Variants in SPHKAP observed in about 807,000 individuals in gnomAD.
SPHKAP encodes the protein SPHK1 interactor, AKAP domain containing.
In SPHKAP, 67 loss-of-function variants were observed where a neutral mutation model predicts 137.5. The ratio of observed to expected loss-of-function variants is 0.49; its 90% CI spans 0.40 to 0.60. The LOEUF is 0.60. Among genes scored for constraint, SPHKAP ranks in the 20% least tolerant of loss-of-function variants. The probability of loss-of-function intolerance (pLI) is 0.00; values close to 1 mark genes in which losing one functional copy is unlikely to be tolerated. For synonymous variants in SPHKAP, 813 were observed against 785.3 expected, an observed-to-expected ratio of 1.04 and a Z score of -0.59; for missense variants, 2,097 against 2,069.3, an observed-to-expected ratio of 1.01 and a Z score of -0.26.
At chr2:228,164,925 A>G (rs934678940) in intron 1 of SPHKAP, among the ~76,000 whole-genome samples, 3 of 152,184 alleles carry the variant, frequency 2.0e-5, no homozygotes, top group Non-Finnish European at 4.4e-5. Flanking sequence ...TCAATTTGCT[A>G]TATGTCCACT....
chr2:228,032,113 C>A (rs1290296413), intron 3 of SPHKAP, among the ~76,000 whole-genome samples: 1 of 151,908 alleles, frequency 6.6e-6, no homozygotes, highest in Non-Finnish European at 1.5e-5. Context: ...AAACCAATGG[C>A]AAAGAAGTTA....
chr2:228,045,157 A>C (rs931078131), intron 3 of SPHKAP, among the ~76,000 whole-genome samples: 11 of 151,530 alleles, frequency 7.3e-5, no homozygotes, highest in African/African-American at 2.7e-4. Flanking sequence ...GTGGGACTGT[A>C]AACTAGTTCA....
chr2:227,991,986 T>C (rs1031996179), intron 9 of SPHKAP, among the ~76,000 whole-genome samples: 1 of 152,152 alleles, frequency 6.6e-6, no homozygotes, highest in Admixed American at 6.5e-5. Context: ...TCATTAGATA[T>C]GGTAGAGTTT....
chr2:227,988,720 C>T (rs1003734490), intron 11 of SPHKAP, among the ~76,000 whole-genome samples: 2 of 152,080 alleles, frequency 1.3e-5, no homozygotes, highest in Non-Finnish European at 2.9e-5. Context: ...GGAATGTATT[C>T]CTGAGAATGT....
intron 3 of SPHKAP, among the ~76,000 whole-genome samples, chr2:228,084,015 G>T (rs1209121058): frequency 6.6e-6 from 1 of 151,642 alleles, no homozygotes; most frequent in Non-Finnish European, 1.5e-5. Flanking sequence ...GGGTTGATAT[G>T]GGCAGCAAAC....
chr2:228,129,858 G>T (rs143982830), intron 2 of SPHKAP, among the ~76,000 whole-genome samples: 3 of 148,194 alleles, frequency 2.0e-5, no homozygotes, highest in South Asian at 2.1e-4. Flanking sequence ...GTACAATGGC[G>T]TGATCTTGGC....
At chr2:228,073,955 A>G (rs1697090037) in intron 3 of SPHKAP, among the ~76,000 whole-genome samples, 1 of 152,212 alleles carries the variant, frequency 6.6e-6, no homozygotes, top group Admixed American at 6.5e-5. Context: ...TGACCTATCA[A>G]TAATTAGGAG....
intron 3 of SPHKAP, among the ~76,000 whole-genome samples, chr2:228,061,200 G>T (rs1229962184): frequency 6.6e-6 from 1 of 152,128 alleles, no homozygotes; most frequent in Non-Finnish European, 1.5e-5. Context: ...GGGATGGCAG[G>T]ATCGGGGATA....
intron 2 of SPHKAP, 84 bp from the exon 3 acceptor site, chr2:228,109,023 A>G: frequency 1.1e-6 from 1 of 897,316 alleles, no homozygotes; most frequent in Non-Finnish European, 1.6e-6. Context: ...TTTTTTTCTT[A>G]TAAAAAAACC....
At chr2:228,100,172 T>A (rs1038461534) in intron 3 of SPHKAP, among the ~76,000 whole-genome samples, 2 of 152,242 alleles carry the variant, frequency 1.3e-5, no homozygotes, top group Non-Finnish European at 2.9e-5. Context: ...CTGATTTTTA[T>A]ACATTGATTT....
intron 3 of SPHKAP, among the ~76,000 whole-genome samples, chr2:228,033,114 G>A (rs1172411915): frequency 6.6e-6 from 1 of 152,108 alleles, no homozygotes; most frequent in African/African-American, 2.4e-5. Flanking sequence ...ACCCATCAGT[G>A]TGCTGTATTC....
intron 3 of SPHKAP, among the ~76,000 whole-genome samples, chr2:228,050,205 T>C (rs568238121): frequency 6.6e-6 from 1 of 152,244 alleles, no homozygotes; most frequent in Non-Finnish European, 1.5e-5. Flanking sequence ...TGTCAGGGCT[T>C]GAAGGAAAGG....
At chr2:228,057,782 A>G (rs140862961) in intron 3 of SPHKAP, among the ~76,000 whole-genome samples, 85 of 152,296 alleles carry the variant, frequency 5.6e-4, no homozygotes, top group African/African-American at 1.8e-3. Context: ...AACAGGTTTC[A>G]GATTTTGCTG....
rs532438529 is a variant in SPHKAP at position 228,002,888 on chromosome 2, T to C, written c.4449-7194A>G. On this transcript the variant is annotated intron_variant, in intron 7 of 11. Coordinates refer to ENST00000392056, the MANE Select transcript of SPHKAP (RefSeq NM_001142644.2). ...AGATCAGATGGTTGTAGATGTGTGG[T>C]ATTATTTCTGAGGGCTCTGTTCTGT... 3.3e-3 allele frequency among the ~76,000 whole-genome samples: 504 copies of C among 152,258 alleles called. 3 individuals are homozygous for C. Among genetic ancestry groups the C allele is most frequent in the African/African-American group, 0.012 (489 of 41,548 alleles).
rs1368927987 is a variant in SPHKAP at position 228,018,333 on chromosome 2, C to T, written c.2521G>A (p.Glu841Lys). Reference sequence around the variant, plus strand: ...CTGTGATGAGGGCTTTTTGTATCCTCTCCTGCTATTCCTTTCAGATATATT... The same window carrying T: ...CTGTGATGAGGGCTTTTTGTATCCTTTCCTGCTATTCCTTTCAGATATATT... Reference protein sequence around the residue: ...KEIYLKGIAGEDTKSPHHSEN... With the variant: ...KEIYLKGIAGKDTKSPHHSEN... Residue 841 changes from glutamate (E) to lysine (K), a missense_variant, in exon 7 of 12, where the codon GAG becomes AAG. Physicochemically the swap from Glu to Lys is moderately conservative, Grantham distance 56 (BLOSUM62 1). Transcript: ENST00000392056. The T allele has an allele frequency of 1.2e-6, 2 of 1,614,062 alleles. No individual in the cohort carries two copies. The highest frequency in any genetic ancestry group is 2.7e-5 in the African/African-American group (2 of 74,912).
chr2:228,000,423 C>A (rs939567267), intron 7 of SPHKAP, among the ~76,000 whole-genome samples: 1 of 152,096 alleles, frequency 6.6e-6, no homozygotes, highest in Non-Finnish European at 1.5e-5. Context: ...TGGAGACCAT[C>A]GTGGCTAACA....
intron 1 of SPHKAP, among the ~76,000 whole-genome samples, chr2:228,175,531 T>C (rs1169007934): frequency 1.3e-5 from 2 of 152,046 alleles, no homozygotes; most frequent in Non-Finnish European, 1.5e-5. Context: ...AACCACACAC[T>C]TTTAAACAAA....
chr2:228,180,663 C>T (rs915402195), intron 1 of SPHKAP, among the ~76,000 whole-genome samples: 2 of 152,198 alleles, frequency 1.3e-5, no homozygotes, highest in African/African-American at 4.8e-5. Flanking sequence ...ATCCTTGGCT[C>T]CCGGCGCGAG....
At chr2:228,139,545 A>G (rs1355973591) in intron 1 of SPHKAP, among the ~76,000 whole-genome samples, 1 of 152,194 alleles carries the variant, frequency 6.6e-6, no homozygotes, top group Non-Finnish European at 1.5e-5. Flanking sequence ...GTTATTTCCT[A>G]TGGTTTGATC....
Sources: gnomAD v4.1 joint callset for allele counts (sites outside exome capture counted in the v4.1 genomes callset) on GRCh38, gnomAD v4.1.1 for gene constraint, MANE v1.5 for transcripts, NCBI Gene and HGNC (gene_info 2026-07-23, HGNC 2026-07-21) for gene names.